The following PCDHGA3 variants were observed in gnomAD, a reference collection of about 807,000 sequenced individuals.
PCDHGA3 encodes protocadherin gamma-A3.
A neutral mutation model predicts 58.5 loss-of-function variants in PCDHGA3; 40 were observed. The observed-to-expected ratio is 0.68, with a 90% CI of 0.53 to 0.89. PCDHGA3 has a LOEUF of 0.89. Ranked by LOEUF, PCDHGA3 falls within the 40% of genes least tolerant of loss-of-function variation. The pLI is 0.00. For missense variants in PCDHGA3, 1,223 were observed against 1,195.9 expected (o/e 1.02, Z -0.33); for synonymous variants, 530 against 525.7 (o/e 1.01, Z -0.11).
At chr5:141,387,829 G>A (rs2091112194) in intron 1 of PCDHGA3, 1 of 1,591,650 alleles carries the variant, frequency 6.3e-7, no homozygotes, top group African/African-American at 1.3e-5. Flanking sequence ...CAATACAGAG[G>A]TTATTTGTAA....
chr5:141,423,026 G>T (rs1333695085), intron 1 of PCDHGA3: 1 of 1,614,210 alleles, frequency 6.2e-7, no homozygotes, highest in Admixed American at 1.7e-5. Context: ...AAAGATTCAG[G>T]CCAGAACGCC....
intron 1 of PCDHGA3, chr5:141,364,284 C>G: frequency 6.6e-7 from 1 of 1,517,046 alleles, no homozygotes; most frequent in South Asian, 1.4e-5. Context: ...AATAAGGAAA[C>G]AGCAGGCTGA....
intron 1 of PCDHGA3, chr5:141,426,908 G>C (rs1047101179): frequency 8.8e-6 from 4 of 456,612 alleles, no homozygotes; most frequent in African/African-American, 6.0e-5. Context: ...CTCATCTCCT[G>C]GTCCTGGAAG....
chr5:141,347,753 C>G (rs1588471504), intron 1 of PCDHGA3, among the ~76,000 whole-genome samples: 1 of 151,006 alleles, frequency 6.6e-6, no homozygotes, highest in South Asian at 2.1e-4. Flanking sequence ...GGCCACTGCA[C>G]TCCAGCTGGG....
rs774563598 is a variant in PCDHGA3 at position 141,431,225 on chromosome 5, C to T, written c.2425-63582C>T. 16 of 1,614,118 alleles carry T rather than the reference C, an allele frequency of 9.9e-6. No individual in the cohort carries two copies. The highest frequency in any genetic ancestry group is 1.2e-5 in the Non-Finnish European group (14 of 1,180,036). On this transcript the variant is annotated intron_variant, in intron 1 of 3. Transcript: ENST00000253812. The surrounding 1 kb of genome is among the most constrained non-coding windows in gnomAD (Gnocchi z 4.8). ...CACTGAGATGCGGTTCCCTCTACCC[C>T]ACGCCTGGGATCCGGATATCGGGAA...
chr5:141,480,955 G>A (rs2154578440), intron 1 of PCDHGA3, among the ~76,000 whole-genome samples: 1 of 152,304 alleles, frequency 6.6e-6, no homozygotes, highest in South Asian at 2.1e-4. Context: ...TGAGGCGGAA[G>A]CATCAGTGAG....
chr5:141,393,111 C>A (rs762190466), intron 1 of PCDHGA3: 1 of 1,613,380 alleles, frequency 6.2e-7, no homozygotes, highest in African/African-American at 1.3e-5. Flanking sequence ...CGCTCAGAGC[C>A]CGCGGTGTCT....
intron 1 of PCDHGA3, chr5:141,364,262 C>T (rs899975548): frequency 1.3e-6 from 2 of 1,504,074 alleles, no homozygotes; most frequent in African/African-American, 1.4e-5. Context: ...ATGTACCCAT[C>T]GGCTTTAGAT....
chr5:141,500,835 A>G (rs965204931), intron 2 of PCDHGA3, among the ~76,000 whole-genome samples: 13 of 152,118 alleles, frequency 8.5e-5, no homozygotes, highest in African/African-American at 3.1e-4. Context: ...TCTAATGCTA[A>G]TGGGCTTTTG....
At chr5:141,403,365 T>C in intron 1 of PCDHGA3, 1 of 1,614,024 alleles carries the variant, frequency 6.2e-7, no homozygotes, top group Non-Finnish European at 8.5e-7. Flanking sequence ...GCCGAAAGTC[T>C]GGAAGTAAAA....
At chr5:141,364,029 G>T (rs1236372834) in intron 1 of PCDHGA3, among the ~76,000 whole-genome samples, 1 of 152,176 alleles carries the variant, frequency 6.6e-6, no homozygotes, top group Non-Finnish European at 1.5e-5. Flanking sequence ...TAAACATTAA[G>T]GATATGGCAA....
rs70988800 is a variant in PCDHGA3 at position 141,379,889 on chromosome 5, C to CTTTTTTTTTT, written c.2424+33453_2424+33462dup. Among the ~76,000 whole-genome samples, 163 of 50,832 alleles carry CTTTTTTTTTT rather than the reference C, an allele frequency of 3.2e-3. 26 individuals carry two copies. The highest frequency in any genetic ancestry group is 6.0e-3 in the African/African-American group (90 of 15,084). The allele number at this position is 50,832 out of a possible 152,430, so 33.3% of individuals were successfully genotyped here. On this transcript the variant is annotated intron_variant, in intron 1 of 3. Transcript: ENST00000253812. ...CTTATTTTATGGTCTGTGAAAGCCTCTTTTTTTTTTTTTTTTTTTTTTTTT... is the reference window on the plus strand; with the variant it reads ...CTTATTTTATGGTCTGTGAAAGCCTCTTTTTTTTTTTTTTTTTTTTTTTTTTTTTTTTTTT...
At position 141,491,971 on chromosome 5, in the gene PCDHGA3, T is replaced by C. The variant is rs62379205; in HGVS notation, c.2425-2836T>C. ...CCTACACTCAAAAAAGGCCGGGGCC[T>C]CCTTCGAGCTTCCGGTGAATTTCGG... is the stretch of plus-strand genomic sequence containing the variant. On this transcript the variant is annotated intron_variant, in intron 1 of 3. Coordinates refer to ENST00000253812, the MANE Select transcript of PCDHGA3 (RefSeq NM_018916.4). This position sits in a 1 kb window ranked among gnomAD's most constrained non-coding sequence, Gnocchi z 6.9. The C allele has an allele frequency of 0.2, 165,735 of 830,872 alleles. 17,637 individuals are homozygous for C. Among genetic ancestry groups the C allele is most frequent in the Admixed American group, 0.32 (8,466 of 26,688 alleles). 51.5% of individuals were successfully genotyped at this position (830,872 alleles called of 1,614,324 possible).
chr5:141,424,127 A>T (rs901831932), intron 1 of PCDHGA3: 1 of 486,538 alleles, frequency 2.1e-6, no homozygotes, highest in African/African-American at 2.1e-5. Flanking sequence ...GATCCTGTTG[A>T]TTTAATAGCA....
chr5:141,348,821 G>C (rs1026818776), intron 1 of PCDHGA3, among the ~76,000 whole-genome samples: 2 of 152,144 alleles, frequency 1.3e-5, no homozygotes, highest in Non-Finnish European at 2.9e-5. Flanking sequence ...AGGCTGTTTC[G>C]AATAGAGTAT....
At chr5:141,481,323 C>T (rs539518691) in intron 1 of PCDHGA3, among the ~76,000 whole-genome samples, 1 of 152,284 alleles carries the variant, frequency 6.6e-6, no homozygotes, top group Non-Finnish European at 1.5e-5. Flanking sequence ...AAAGCACTAG[C>T]CCCTGGACAA....
intron 1 of PCDHGA3, chr5:141,383,907 A>G: frequency 6.2e-7 from 1 of 1,613,958 alleles, no homozygotes; most frequent in Non-Finnish European, 8.5e-7. Flanking sequence ...TACTGATCAC[A>G]GTTTTAGATG....
chr5:141,464,048 T>C (rs377735829), intron 1 of PCDHGA3, among the ~76,000 whole-genome samples: 1 of 152,260 alleles, frequency 6.6e-6, no homozygotes, highest in South Asian at 2.1e-4. Context: ...GTGGATCACC[T>C]GAGGTCAGGA....
At chr5:141,365,280 T>C (rs1298679649) in intron 1 of PCDHGA3, 2 of 1,614,018 alleles carry the variant, frequency 1.2e-6, no homozygotes, top group Admixed American at 1.7e-5. Context: ...TTCTACCTCA[T>C]GGAAGTGGTA....
Sources: gnomAD v4.1 joint callset for allele counts (sites outside exome capture counted in the v4.1 genomes callset) on GRCh38, gnomAD v4.1.1 for gene constraint, Gnocchi (gnomAD v3.1) non-coding constraint, MANE v1.5 for transcripts, NCBI Gene and HGNC (gene_info 2026-07-23, HGNC 2026-07-21) for gene names.